Variants in CDK15 observed in about 807,000 individuals in gnomAD.
CDK15 encodes cyclin dependent kinase 15, also known as cyclin-dependent kinase 15.
A neutral mutation model predicts 60.3 loss-of-function variants in CDK15; 62 were observed. That is an observed-to-expected ratio of 1.03 (90% CI 0.84 to 1.27). The LOEUF is 1.27. CDK15 is among the 50% of genes most tolerant of loss of function. CDK15 has a pLI of 0.00. For synonymous variants in CDK15, 194 were observed against 195.7 expected (o/e 0.99, Z 0.07); for missense variants, 541 against 527.8 (o/e 1.03, Z -0.25).
At chr2:201,839,667 C>CAGAG (rs1697284158) in intron 8 of CDK15, among the ~76,000 whole-genome samples, 1 of 138,984 alleles carries the variant, frequency 7.2e-6, no homozygotes, top group Admixed American at 7.1e-5. Flanking sequence ...AAGATATAGA[C>CAGAG]AGACAGACAG....
chr2:201,885,582 G>A (rs1376244109), intron 12 of CDK15, among the ~76,000 whole-genome samples: 2 of 152,188 alleles, frequency 1.3e-5, no homozygotes, highest in African/African-American at 2.4e-5. Flanking sequence ...GGGTTGAGAC[G>A]TGGTTTATGG....
At position 201,810,556 on chromosome 2, in the gene CDK15, T is replaced by C. The variant is rs185577656; in HGVS notation, c.369-1927T>C. ...AAATATCTATGAGTCCGTACTGATA[T>C]AAATAAATGATTCAATACATTAACA... On this transcript the variant is annotated intron_variant, in intron 3 of 13. Transcript: ENST00000652192. Among the ~76,000 whole-genome samples the C allele has an allele frequency of 3.9e-5, 6 of 152,276 alleles. No homozygotes were observed. The East Asian group carries it at 1.2e-3, about 29-fold the overall frequency.
chr2:201,806,724 A>G lies in CDK15; in HGVS notation c.60A>G (p.Ser20=). 1 of 1,598,364 alleles carries G rather than the reference A, an allele frequency of 6.3e-7. No homozygotes were observed. Residue 20 remains serine (S), a synonymous_variant, in exon 1 of 14, where the codon TCA becomes TCG. Transcript: ENST00000652192. ...CTGGATGCAGCTGCTACCATTGTTC[A>G]GAGGGAGGCGAGGCACACAGCTGTC... The part of the protein sequence containing the change: ...VQPGCSCYHC[S]EGGEAHSCRR...
intron 10 of CDK15, among the ~76,000 whole-genome samples, chr2:201,856,023 T>A (rs1311439586): frequency 6.6e-6 from 1 of 152,080 alleles, no homozygotes; most frequent in East Asian, 1.9e-4. Context: ...AGATGAGGTT[T>A]CACCATGTTG....
intron 10 of CDK15, among the ~76,000 whole-genome samples, chr2:201,867,394 G>A (rs545546655): frequency 6.6e-6 from 1 of 152,160 alleles, no homozygotes; most frequent in African/African-American, 2.4e-5. Flanking sequence ...GGAGGCTGGG[G>A]CTGGAGGATT....
rs1699701593 is a variant in CDK15, at chr2:201,893,620, A to G, written c.*353A>G. On this transcript the variant is annotated 3_prime_UTR_variant, in exon 14 of 14. Transcript: ENST00000652192. ...GCTAGAAGGTTGATTTCCCAAAAAGACAGATAAGAGACTGACAATTTAAAA... is the reference window on the plus strand; with the variant it reads ...GCTAGAAGGTTGATTTCCCAAAAAGGCAGATAAGAGACTGACAATTTAAAA... 1 of 152,196 alleles carries G rather than the reference A, an allele frequency of 6.6e-6. No individual in the cohort carries two copies. The highest frequency in any genetic ancestry group is 2.1e-4 in the South Asian group (1 of 4,836). 9.4% of individuals were successfully genotyped at this position (152,196 alleles called of 1,614,324 possible).
intron 10 of CDK15, chr2:201,860,644 C>A: frequency 7.9e-7 from 1 of 1,263,320 alleles, no homozygotes; most frequent in African/African-American, 1.5e-5. Context: ...GTACTAAAAG[C>A]CCTGCAGGGA....
At chr2:201,859,376 T>C (rs985562810) in intron 10 of CDK15, among the ~76,000 whole-genome samples, 2 of 152,196 alleles carry the variant, frequency 1.3e-5, no homozygotes, top group South Asian at 4.1e-4. Flanking sequence ...TTTAGCCTTC[T>C]TAGCTCTCCC....
At chr2:201,885,971 AT>A (rs1320900748) in intron 12 of CDK15, among the ~76,000 whole-genome samples, 1 of 152,178 alleles carries the variant, frequency 6.6e-6, no homozygotes, top group East Asian at 1.9e-4. Flanking sequence ...TAGAGCCAAG[AT>A]TTTACTTCAA....
rs754028788 is a variant in CDK15 at position 201,880,158 on chromosome 2, C to T, written c.1189C>T (p.Leu397Phe). 6.2e-7 allele frequency: 1 copy of T among 1,614,012 alleles called. No individual in the cohort carries two copies. Among genetic ancestry groups the T allele is most frequent in the South Asian group, 1.1e-5 (1 of 91,054 alleles). ...FSALPSQLYQLPDEESLFTVS... is the reference protein window; with the variant it reads ...FSALPSQLYQFPDEESLFTVS... ...CGCCCTGCCATCTCAGCTGTACCAG[C>T]TTCCTGATGGTGAGCGAGGGAGTGT... Residue 397 changes from leucine (L) to phenylalanine (F), a missense_variant, in exon 12 of 14, where the codon CTT becomes TTT. By Grantham distance (22) the Leu-to-Phe change is conservative. Transcript: ENST00000652192.
intron 9 of CDK15, among the ~76,000 whole-genome samples, chr2:201,853,978 G>C (rs983290169): frequency 1.3e-5 from 2 of 151,972 alleles, no homozygotes; most frequent in Non-Finnish European, 2.9e-5. Context: ...TGGCCAACAC[G>C]GTGAAACCCC....
intron 8 of CDK15, among the ~76,000 whole-genome samples, chr2:201,841,419 T>C (rs908075772): frequency 2.0e-5 from 3 of 152,210 alleles, no homozygotes; most frequent in African/African-American, 7.2e-5. Context: ...GCATCTTCCA[T>C]TGAGCTCACT....
intron 12 of CDK15, chr2:201,888,314 C>T (rs1251690590): frequency 1.6e-6 from 2 of 1,283,766 alleles, no homozygotes; most frequent in African/African-American, 3.0e-5. Flanking sequence ...AAAAAGACAA[C>T]TATCTCATTA....
Position 201,889,431 on chromosome 2 carries a change from CAT to C in CDK15, c.1199-1351_1199-1350del, listed in dbSNP as rs1376117943. On this transcript the variant is annotated intron_variant, in intron 12 of 13. Transcript: ENST00000652192. ...AACAATGGCTACCATTTATTAAAAA[CAT>C]ATTGTGTATCATAAACTAACACAAG... 15 of 982,444 alleles carry C rather than the reference CAT, an allele frequency of 1.5e-5. No homozygotes were observed. In the East Asian group the frequency reaches 6.8e-4, roughly 45 times the overall value. 60.9% of individuals were successfully genotyped at this position (982,444 alleles called of 1,614,324 possible).
chr2:201,858,133 T>A (rs1424217831), intron 10 of CDK15, among the ~76,000 whole-genome samples: 1 of 152,148 alleles, frequency 6.6e-6, no homozygotes, highest in Non-Finnish European at 1.5e-5. Context: ...TGGACACCTC[T>A]AGGAGGACAG....
intron 13 of CDK15, 89 bp downstream of exon 13, chr2:201,891,016 G>C: frequency 1.5e-6 from 1 of 651,830 alleles, no homozygotes; most frequent in Non-Finnish European, 2.6e-6. Context: ...GGGATTCAGA[G>C]CACCTCTGTG....
At chr2:201,877,263 A>G (rs1278815357) in intron 11 of CDK15, among the ~76,000 whole-genome samples, 1 of 152,204 alleles carries the variant, frequency 6.6e-6, no homozygotes, top group African/African-American at 2.4e-5. Flanking sequence ...TCCCTGTCCA[A>G]TCAGACTGCA....
chr2:201,841,094 C>T (rs1423914465), intron 8 of CDK15, among the ~76,000 whole-genome samples: 1 of 152,164 alleles, frequency 6.6e-6, no homozygotes, highest in South Asian at 2.1e-4. Flanking sequence ...TTCTTCAGCT[C>T]ATCTACCAGT....
rs1224209177 is a variant in CDK15, at chr2:201,835,994, A to ATT, written c.851+232_851+233insTT. On this transcript the variant is annotated intron_variant, in intron 8 of 13. Transcript: ENST00000652192. Reference sequence around the variant, plus strand: ...TATATTTATATATTTTTATATATTTATATATATTTATATTTTTATATTTTT... The same window carrying ATT: ...TATATTTATATATTTTTATATATTTATTTATATATTTATATTTTTATATTTTT... Among the ~76,000 whole-genome samples, 76 of 7,180 alleles carry ATT rather than the reference A, an allele frequency of 0.011. 2 individuals carry two copies. The East Asian group carries it at 0.45, about 43-fold the overall frequency. The allele number at this position is 7,180 out of a possible 152,430, so 4.7% of individuals were successfully genotyped here.
Sources: gnomAD v4.1 joint callset for allele counts (sites outside exome capture counted in the v4.1 genomes callset) on GRCh38, gnomAD v4.1.1 for gene constraint, MANE v1.5 for transcripts, NCBI Gene and HGNC (gene_info 2026-07-23, HGNC 2026-07-21) for gene names.